DGCR2: variants seen among roughly 807,000 people sequenced by gnomAD.
DGCR2 encodes DiGeorge syndrome critical region gene 2, also known as integral membrane protein DGCR2/IDD.
A neutral mutation model predicts 51.6 loss-of-function variants in DGCR2; 24 were observed. That is an observed-to-expected ratio of 0.47 (90% CI 0.34 to 0.65). DGCR2 has a LOEUF of 0.65. Ranked by LOEUF, DGCR2 falls within the 30% of genes least tolerant of loss-of-function variation. The pLI, the probability that DGCR2 is intolerant of heterozygous loss-of-function variation, is 0.01. For synonymous variants in DGCR2, 340 were observed against 315.4 expected, an observed-to-expected ratio of 1.08 and a Z score of -0.82; for missense variants, 765 against 772.1, an observed-to-expected ratio of 0.99 and a Z score of 0.11.
In DGCR2 at chr22:19,037,722, G is replaced by T. The variant is rs1413187397; in HGVS notation, c.*1143C>A. The T allele has an allele frequency of 1.3e-5, 2 of 152,400 alleles. No homozygotes were observed. Among genetic ancestry groups the T allele is most frequent in the African/African-American group, 4.8e-5 (2 of 41,474 alleles). 9.4% of individuals were successfully genotyped at this position (152,400 alleles called of 1,614,324 possible). On this transcript the variant is annotated 3_prime_UTR_variant, in exon 10 of 10. Coordinates refer to ENST00000263196, the MANE Select transcript of DGCR2 (RefSeq NM_005137.3). ...AAACCTCAGAAATGTTAAAGGCCCT[G>T]TGTCAGGCAACAAAACCACTGCCCA... is the stretch of plus-strand genomic sequence containing the variant.
intron 1 of DGCR2, among the ~76,000 whole-genome samples, chr22:19,097,922 G>C (rs899914621): frequency 3.9e-5 from 6 of 152,198 alleles, no homozygotes; most frequent in Admixed American, 2.6e-4. Flanking sequence ...TGAGAAAGGG[G>C]AGCAACACCC....
At chr22:19,067,804 T>C (rs956627981) in intron 3 of DGCR2, among the ~76,000 whole-genome samples, 2 of 152,220 alleles carry the variant, frequency 1.3e-5, no homozygotes, top group Non-Finnish European at 2.9e-5. Context: ...AAGGGAATAA[T>C]ACAACTTTGG....
chr22:19,077,639 T>C (rs1201817591), intron 2 of DGCR2, among the ~76,000 whole-genome samples: 1 of 152,220 alleles, frequency 6.6e-6, no homozygotes, highest in Non-Finnish European at 1.5e-5. Flanking sequence ...ATATTTCTTC[T>C]TCTTTTTCAA....
intron 2 of DGCR2, among the ~76,000 whole-genome samples, chr22:19,083,335 G>A (rs1280949404): frequency 6.6e-6 from 1 of 152,124 alleles, no homozygotes; most frequent in Non-Finnish European, 1.5e-5. Context: ...GGCCAATTTG[G>A]ATTTCCCTGA....
Position 19,089,370 on chromosome 22 carries a change from G to A in DGCR2, c.200C>T (p.Pro67Leu), listed in dbSNP as rs867321522. ...CCCCGCCTACTCAACACACTCACCT[G>A]GACAGTTGGCTTCGTCGCTCTCATC... ...CEDESDEANC[P>L]EVTGEVRPHH... The change falls in exon 2 of 10, where the codon CCA (proline) becomes CTA (leucine). Residue 67 changes from proline to leucine, a missense_variant and splice_region_variant. By Grantham distance (98) the Pro-to-Leu change is moderately conservative. Around this residue, in one of 3 missense-constraint regions of DGCR2, gnomAD observed 370 missense variants for 325.5 expected, o/e 1.14. Coordinates refer to ENST00000263196, the MANE Select transcript of DGCR2 (RefSeq NM_005137.3). The A allele has an allele frequency of 6.2e-7, 1 of 1,604,390 alleles. No homozygotes were observed. The highest frequency in any genetic ancestry group is 8.5e-7 in the Non-Finnish European group (1 of 1,174,886).
At chr22:19,087,887 G>T (rs900678715) in intron 2 of DGCR2, among the ~76,000 whole-genome samples, 3 of 152,112 alleles carry the variant, frequency 2.0e-5, no homozygotes, top group Admixed American at 6.5e-5. Context: ...GTTTCACTAT[G>T]TTGGCCAAGC....
chr22:19,115,725 A>G (rs917816482), intron 1 of DGCR2, among the ~76,000 whole-genome samples: 5 of 152,210 alleles, frequency 3.3e-5, no homozygotes, highest in African/African-American at 1.2e-4. Flanking sequence ...CCCTGTCCAA[A>G]GCACCATGGC....
chr22:19,077,130 T>C (rs1336714155), intron 2 of DGCR2, among the ~76,000 whole-genome samples: 1 of 152,206 alleles, frequency 6.6e-6, no homozygotes, highest in Non-Finnish European at 1.5e-5. Flanking sequence ...ATGTTTTCCA[T>C]TCTGTAGGCT....
chr22:19,118,649 G>A (rs1298445052), intron 1 of DGCR2, among the ~76,000 whole-genome samples: 1 of 152,176 alleles, frequency 6.6e-6, no homozygotes, highest in Non-Finnish European at 1.5e-5. Flanking sequence ...TTACCAAGGG[G>A]CCTAGCTGAG....
intron 9 of DGCR2, among the ~76,000 whole-genome samples, 188 bp downstream of exon 9, chr22:19,040,870 G>A (rs1601497172): frequency 6.6e-6 from 1 of 152,146 alleles, no homozygotes; most frequent in Non-Finnish European, 1.5e-5. Context: ...TGCCAAGGGC[G>A]GCCAGGCAGG....
At chr22:19,067,766 A>C (rs1311479531) in intron 3 of DGCR2, among the ~76,000 whole-genome samples, 1 of 152,200 alleles carries the variant, frequency 6.6e-6, no homozygotes, top group African/African-American at 2.4e-5. Context: ...GCTGTATCTA[A>C]ACTCAGAGCT....
chr22:19,064,700 C>G, intron 4 of DGCR2, 148 bp downstream of exon 4: 2 of 712,070 alleles, frequency 2.8e-6, no homozygotes, highest in South Asian at 3.5e-5. Flanking sequence ...ACCCATGGAT[C>G]TCCTGGGCTT....
intron 6 of DGCR2, chr22:19,056,596 C>T: frequency 2.8e-6 from 1 of 360,620 alleles, no homozygotes; most frequent in Non-Finnish European, 5.1e-6. Flanking sequence ...GCAAGGTAAA[C>T]AGAGAAGCAG....
intron 1 of DGCR2, among the ~76,000 whole-genome samples, chr22:19,101,540 A>G (rs1319832438): frequency 6.6e-6 from 1 of 151,762 alleles, no homozygotes; most frequent in South Asian, 2.1e-4. Context: ...CAAGAGTTCA[A>G]GACCACCCTG....
intron 1 of DGCR2, among the ~76,000 whole-genome samples, chr22:19,110,480 G>A (rs1487785431): frequency 6.6e-6 from 1 of 152,086 alleles, no homozygotes; most frequent in African/African-American, 2.4e-5. Context: ...AAGGCGGGAG[G>A]AGAGCATTAG....
intron 1 of DGCR2, among the ~76,000 whole-genome samples, chr22:19,110,032 G>A (rs1245849835): frequency 1.3e-5 from 2 of 152,234 alleles, no homozygotes; most frequent in Non-Finnish European, 2.9e-5. Context: ...TCACCACAGG[G>A]AGTTACACTC....
chr22:19,089,390 C>A lies in DGCR2; in HGVS notation c.180G>T (p.Glu60Asp), dbSNP rs1363061284. ...QCDGWATCED[E>D]SDEANCPEVT... ...CACCTGGACAGTTGGCTTCGTCGCT[C>A]TCATCCTCGCAAGTCGCCCAGCCGT... Residue 60 changes from glutamate (E) to aspartate (D), a missense_variant, in exon 2 of 10, where the codon GAG (glutamate) becomes GAT (aspartate). Transcript: ENST00000263196. 2 of 1,610,330 alleles carry A rather than the reference C, an allele frequency of 1.2e-6. No homozygotes were observed. The highest frequency in any genetic ancestry group is 2.2e-5 in the South Asian group (2 of 90,364).
chr22:19,102,516 C>A (rs961354424), intron 1 of DGCR2, among the ~76,000 whole-genome samples: 10 of 151,958 alleles, frequency 6.6e-5, no homozygotes, highest in East Asian at 5.8e-4. Flanking sequence ...TCCTGGCTAA[C>A]ACGGTGAAAT....
intron 1 of DGCR2, among the ~76,000 whole-genome samples, chr22:19,111,632 A>G (rs1338486218): frequency 6.6e-6 from 1 of 151,978 alleles, no homozygotes; most frequent in African/African-American, 2.4e-5. Flanking sequence ...AACTATACCC[A>G]AACTCCCAGG....
Sources: gnomAD v4.1 joint callset for allele counts (sites outside exome capture counted in the v4.1 genomes callset) on GRCh38, gnomAD v4.1.1 for gene constraint, gnomAD v4.1.1 regional missense constraint, MANE v1.5 for transcripts, NCBI Gene and HGNC (gene_info 2026-07-23, HGNC 2026-07-21) for gene names.